The following B4GALNT4 variants were observed in gnomAD, a reference collection of about 807,000 sequenced individuals.
B4GALNT4 encodes the protein N-acetyl-beta-glucosaminyl-glycoprotein 4-beta-N-acetylgalactosaminyltransferase 1.
Under a neutral mutation model 110.0 loss-of-function variants are expected in B4GALNT4, and 77 were observed. The observed-to-expected ratio is 0.70, with a 90% confidence interval of 0.58 to 0.85. B4GALNT4 has a LOEUF of 0.85. Among genes scored for constraint, B4GALNT4 ranks in the 40% least tolerant of loss-of-function variants. The pLI, the probability that B4GALNT4 is intolerant of heterozygous loss-of-function variation, is 0.00. For synonymous variants in B4GALNT4, 785 were observed against 655.5 expected (o/e 1.20, Z -3.02); for missense variants, 1,575 against 1,506.0 (o/e 1.05, Z -0.76).
rs769844806 is a variant in B4GALNT4, at chr11:372,747, G to A, written c.341G>A (p.Arg114Gln). The A allele has an allele frequency of 3.2e-5, 51 of 1,609,962 alleles. No individual in the cohort carries two copies. The highest frequency in any genetic ancestry group is 5.0e-5 in the Admixed American group (3 of 59,822). Residue 114 changes from arginine to glutamine, a missense_variant, in exon 3 of 20, where the codon CGG (arginine) becomes CAG (glutamine). Transcript: ENST00000329962. ...TTCACCCATCAGACACCCCCATGGC[G>A]GGAGGAGGTGAGCTGGCTCGGCCTG... ...LNFTHQTPPW[R>Q]EEYKGQVNLH...
Position 381,980 on chromosome 11 carries a change from G to T in B4GALNT4, c.*188G>T. ...AGAGGCAGCCTTCACGGCGGGTCAG[G>T]GCCTGGCCTTGGTCCCCACTCTGCG... On this transcript the variant is annotated 3_prime_UTR_variant, in exon 20 of 20. Coordinates refer to ENST00000329962, the MANE Select transcript of B4GALNT4 (RefSeq NM_178537.5). The T allele has an allele frequency of 1.7e-6, 1 of 594,512 alleles. No homozygotes were observed. Among genetic ancestry groups the T allele is most frequent in the Non-Finnish European group, 2.6e-6 (1 of 379,508 alleles). The allele number at this position is 594,512 out of a possible 1,614,324, so 36.8% of individuals were successfully genotyped here. A position where few individuals can be genotyped will look rare whatever the true frequency, so the allele number is the denominator to read the frequency against.
intron 14 of B4GALNT4, among the ~76,000 whole-genome samples, chr11:378,071 T>C (rs1590341849): frequency 6.6e-6 from 1 of 151,650 alleles, no homozygotes; most frequent in Admixed American, 6.6e-5. Flanking sequence ...TGATGGAAGG[T>C]TGCGAGCAGA....
In B4GALNT4 at chr11:376,867, C is replaced by T. The variant is rs1283620054; in HGVS notation, c.1744C>T (p.Pro582Ser). ...PRPHGRRTGG[P>S]QATQPRPPAR... ...GCCCCACGGCCGCAGGACCGGCGGC[C>T]CCCAGGCCACACAGCCGAGGCCCCC... The change falls in exon 14 of 20, where the codon CCC becomes TCC. Residue 582 changes from proline to serine, a missense_variant. Coordinates refer to ENST00000329962, the MANE Select transcript of B4GALNT4 (RefSeq NM_178537.5). 5 of 1,330,452 alleles carry T rather than the reference C, an allele frequency of 3.8e-6. No homozygotes were observed. The East Asian group carries it at 1.3e-4, about 35-fold the overall frequency. 82.4% of individuals were successfully genotyped at this position (1,330,452 alleles called of 1,614,324 possible).
chr11:377,349 C>T (rs1429795174), intron 14 of B4GALNT4, 22 bp downstream of exon 14: 8 of 1,477,900 alleles, frequency 5.4e-6, no homozygotes, highest in South Asian at 4.0e-5. Flanking sequence ...GCCGAACGCG[C>T]GCCAGGGCGG....
chr11:373,607 ACT>A (rs908563783), intron 7 of B4GALNT4, 91 bp downstream of exon 7: 12 of 1,535,728 alleles, frequency 7.8e-6, no homozygotes, highest in African/African-American at 5.5e-5. Flanking sequence ...ACTTGCGCAC[ACT>A]CTGCACGAGC....
In B4GALNT4 at chr11:379,577, T is replaced by G. The variant is rs753465428; in HGVS notation, c.2364T>G (p.Asp788Glu). ...GGCTGCCGGGAGCCCGCGTAGGGGA[T>G]GCAGACGGAGAAAGTCCCGAACCCG... Reference protein sequence around the residue: ...FLRLPGARVGDADGESPEPAP... With the variant: ...FLRLPGARVGEADGESPEPAP... The change falls in exon 15 of 20, where the codon GAT becomes GAG. Residue 788 changes from aspartate (D) to glutamate (E), a missense_variant. By Grantham distance (45) the Asp-to-Glu change is conservative (BLOSUM62 2). Transcript: ENST00000329962. The G allele has an allele frequency of 3.8e-6, 6 of 1,585,346 alleles. No homozygotes were observed. Among genetic ancestry groups the G allele is most frequent in the Admixed American group, 1.8e-5 (1 of 56,348 alleles).
Position 377,032 on chromosome 11 carries a change from C to T in B4GALNT4, c.1909C>T (p.Pro637Ser), listed in dbSNP as rs1329446876. Residue 637 changes from proline to serine, a missense_variant, in exon 14 of 20, where the codon CCG becomes TCG. Pro to Ser is a moderately conservative substitution (Grantham distance 74). Transcript: ENST00000329962. ...CCTGAGCTTGTCCCAGGTGTCCGGG[C>T]CGCAGCTGCCCGGGGAGGGCGAAGA... Reference protein sequence around the residue: ...SFLSLSQVSGPQLPGEGEEEE... With the variant: ...SFLSLSQVSGSQLPGEGEEEE... 4 of 1,438,644 alleles carry T rather than the reference C, an allele frequency of 2.8e-6. No homozygotes were observed. In the Admixed American group the frequency reaches 9.0e-5, roughly 32 times the overall value. The allele number at this position is 1,438,644 out of a possible 1,614,324, so 89.1% of individuals were successfully genotyped here.
Position 375,593 on chromosome 11 carries a change from G to A in B4GALNT4, c.851-46G>A, listed in dbSNP as rs994665948. On this transcript the variant is annotated intron_variant, in intron 9 of 19. Transcript: ENST00000329962. Reference sequence around the variant, plus strand: ...TGGGCTCTGGGTGTGAGTGGGAAGAGTGGAGGAGGGGGTCTGAGCACTCCC... The same window carrying A: ...TGGGCTCTGGGTGTGAGTGGGAAGAATGGAGGAGGGGGTCTGAGCACTCCC... 4 of 1,600,750 alleles carry A rather than the reference G, an allele frequency of 2.5e-6. No homozygotes were observed. The African/African-American group carries it at 4.0e-5, about 16-fold the overall frequency.
chr11:372,156 G>A lies in B4GALNT4; in HGVS notation c.199G>A (p.Ala67Thr). The A allele has an allele frequency of 1.3e-6, 2 of 1,550,040 alleles. No individual in the cohort carries two copies. The highest frequency in any genetic ancestry group is 8.7e-7 in the Non-Finnish European group (1 of 1,146,846). ...SETDGRGVHA[A>T]PSTQRAEDSS... is the part of the protein sequence containing the mutation. The stretch of plus-strand genomic sequence containing the variant: ...GACCGACGGCCGGGGGGTCCACGCT[G>A]CGCCATCCACACAGAGGGCTGAGGA... Residue 67 changes from alanine to threonine, a missense_variant, in exon 2 of 20, where the codon GCG becomes ACG. By Grantham distance (58) the Ala-to-Thr change is moderately conservative (BLOSUM62 0). Coordinates refer to ENST00000329962, the MANE Select transcript of B4GALNT4 (RefSeq NM_178537.5).
At chr11:381,206 G>A (rs1846868808) in intron 19 of B4GALNT4, 1 of 938,574 alleles carries the variant, frequency 1.1e-6, no homozygotes, top group African/African-American at 1.8e-5. Flanking sequence ...CATAGGCCCT[G>A]GGTGGCCCTG....
rs755538689 is a variant in B4GALNT4 at position 376,188 on chromosome 11, C to A, written c.1196+14C>A. 2 of 702,872 alleles carry A rather than the reference C, an allele frequency of 2.8e-6. No individual in the cohort carries two copies. Among genetic ancestry groups the A allele is most frequent in the East Asian group, 1.2e-4 (2 of 16,716 alleles). The allele number at this position is 702,872 out of a possible 1,614,324, so 43.5% of individuals were successfully genotyped here. ...GTATCTGGAGAGGTGGGCGCGCGGC[C>A]GGGCTAATGCGGGGCGGGGTGGGCG... On this transcript the variant is annotated intron_variant, in intron 12 of 19. Coordinates refer to ENST00000329962, the MANE Select transcript of B4GALNT4 (RefSeq NM_178537.5).
Position 381,829 on chromosome 11 carries a change from G to A in B4GALNT4, c.*37G>A, listed in dbSNP as rs370116273. On this transcript the variant is annotated 3_prime_UTR_variant, in exon 20 of 20. Coordinates refer to ENST00000329962, the MANE Select transcript of B4GALNT4 (RefSeq NM_178537.5). ...CCCTCCCAGCCCCGGTGGGAGTCCC[G>A]AGGCAGCTGCTGGGGGCTGGGCTTT... 103 of 1,539,162 alleles carry A rather than the reference G, an allele frequency of 6.7e-5. No homozygotes were observed. The highest frequency in any genetic ancestry group is 7.9e-5 in the Non-Finnish European group (91 of 1,148,020).
chr11:377,181 C>A lies in B4GALNT4; in HGVS notation c.2058C>A (p.Phe686Leu). ...ACGCCATCGACTGGCAGCGCACGTTCAGCGTGGGCGCCGTGGACTTCGAGC... is the reference window on the plus strand; with the variant it reads ...ACGCCATCGACTGGCAGCGCACGTTAAGCGTGGGCGCCGTGGACTTCGAGC... The part of the protein sequence containing the change: ...REDAIDWQRT[F>L]SVGAVDFELL... Residue 686 changes from phenylalanine (F) to leucine (L), a missense_variant, in exon 14 of 20, where the codon TTC (phenylalanine) becomes TTA (leucine). Phe to Leu is a conservative substitution (Grantham distance 22). Coordinates refer to ENST00000329962, the MANE Select transcript of B4GALNT4 (RefSeq NM_178537.5). 3 of 1,577,874 alleles carry A rather than the reference C, an allele frequency of 1.9e-6. No homozygotes were observed. Among genetic ancestry groups the A allele is most frequent in the Non-Finnish European group, 2.6e-6 (3 of 1,163,646 alleles).
At chr11:370,054 G>A (rs1460619482) in intron 1 of B4GALNT4, 100 bp downstream of exon 1, 3 of 155,896 alleles carry the variant, frequency 1.9e-5, no homozygotes, top group African/African-American at 7.5e-5. Flanking sequence ...CGGGCGGCGG[G>A]GGCCCCGGGG....
At chr11:373,679 C>T in intron 7 of B4GALNT4, 71 bp from the exon 8 acceptor site, 1 of 1,558,528 alleles carries the variant, frequency 6.4e-7, no homozygotes, top group Non-Finnish European at 8.8e-7. Context: ...TGGGAGCCAC[C>T]TGCCCCCTTC....
In B4GALNT4 at chr11:369,938, C is replaced by T. The variant is rs1846578307; in HGVS notation, c.135C>T (p.Arg45=). ...GCCAGGGACGCGCGCTGCGCCAGCG[C>T]CTGGGCTACGGGCGAGGTACGGCGC... ...LVRQGRALRQ[R]LGYGRDGEKL... The change falls in exon 1 of 20, where the codon CGC becomes CGT. Residue 45 remains arginine (R), a synonymous_variant. Transcript: ENST00000329962. 2.1e-6 allele frequency: 2 copies of T among 966,126 alleles called. No individual in the cohort carries two copies. The highest frequency in any genetic ancestry group is 2.4e-6 in the Non-Finnish European group (2 of 821,466). The allele number at this position is 966,126 out of a possible 1,614,324, so 59.8% of individuals were successfully genotyped here.
chr11:379,989 A>G lies in B4GALNT4; in HGVS notation c.2612A>G (p.Glu871Gly). The G allele has an allele frequency of 1.2e-6, 2 of 1,613,012 alleles. No individual in the cohort carries two copies. The highest frequency in any genetic ancestry group is 1.7e-6 in the Non-Finnish European group (2 of 1,179,804). Residue 871 changes from glutamate to glycine, a missense_variant, in exon 16 of 20, where the codon GAG becomes GGG. By Grantham distance (98) the Glu-to-Gly change is moderately conservative (BLOSUM62 -2). Coordinates refer to ENST00000329962, the MANE Select transcript of B4GALNT4 (RefSeq NM_178537.5). ...TTCGAGAGCGAGGATATGGACGTGG[A>G]GCGGGCCCTGCGCGCCGCGCGCCTG... is the stretch of plus-strand genomic sequence containing the variant. ...VDFESEDMDV[E>G]RALRAARLPR...
intron 1 of B4GALNT4, among the ~76,000 whole-genome samples, chr11:370,505 G>A (rs1307806053): frequency 6.6e-6 from 1 of 152,164 alleles, no homozygotes; most frequent in African/African-American, 2.4e-5. Context: ...TAGGGATGGG[G>A]CCCAGCTTGG....
In B4GALNT4 at chr11:376,407, C is replaced by G. The variant is rs775519823; in HGVS notation, c.1298-14C>G. ...CCACCTGCGCAGGGAGCTTCTAACC[C>G]GCGTTTCCCGCAGACTTCCTGGACG... On this transcript the variant is annotated splice_polypyrimidine_tract_variant and intron_variant, in intron 13 of 19. Transcript: ENST00000329962. 2 of 1,600,862 alleles carry G rather than the reference C, an allele frequency of 1.2e-6. No individual in the cohort carries two copies. Among genetic ancestry groups the G allele is most frequent in the East Asian group, 4.5e-5 (2 of 44,822 alleles).
Sources: allele counts gnomAD v4.1 joint callset (sites outside exome capture counted in the v4.1 genomes callset), GRCh38; gene constraint gnomAD v4.1.1; transcripts MANE v1.5; gene names NCBI Gene and HGNC (gene_info 2026-07-23, HGNC 2026-07-21).